PPP1R17: variants seen among roughly 807,000 people sequenced by gnomAD.
The protein encoded by PPP1R17 is G-substrate.
A neutral mutation model predicts 15.9 loss-of-function variants in PPP1R17; 12 were observed. That is an observed-to-expected ratio of 0.75 (90% CI 0.48 to 1.22). The LOEUF is 1.22. Ranked by LOEUF, PPP1R17 falls within the 50% of genes most tolerant of loss-of-function variation. The pLI is 0.00. For missense variants in PPP1R17, 211 were observed against 187.3 expected, an observed-to-expected ratio of 1.13 and a Z score of -0.74; for synonymous variants, 63 against 64.5, an observed-to-expected ratio of 0.98 and a Z score of 0.11.
At chr7:31,704,565 G>A (rs1792988360) in intron 4 of PPP1R17, among the ~76,000 whole-genome samples, 1 of 152,152 alleles carries the variant, frequency 6.6e-6, no homozygotes, top group South Asian at 2.1e-4. Context: ...GAATCTCACG[G>A]TTCAATAGCG....
intron 3 of PPP1R17, among the ~76,000 whole-genome samples, chr7:31,696,426 G>C (rs1027317095): frequency 2.0e-5 from 3 of 152,168 alleles, no homozygotes; most frequent in Non-Finnish European, 4.4e-5. Context: ...GCTCAGTGTG[G>C]GTAGTGAATT....
intron 1 of PPP1R17, among the ~76,000 whole-genome samples, 192 bp from the exon 2 acceptor site, chr7:31,692,214 G>A (rs899481362): frequency 6.6e-6 from 1 of 152,144 alleles, no homozygotes; most frequent in Admixed American, 6.5e-5. Context: ...GAGGGTGGGA[G>A]GGTTCATTTT....
At chr7:31,706,014 T>C (rs908174488) in intron 4 of PPP1R17, among the ~76,000 whole-genome samples, 7 of 117,660 alleles carry the variant, frequency 5.9e-5, no homozygotes, top group African/African-American at 2.6e-4. Context: ...TTTTTTTTTT[T>C]TTTTTTTTGA....
In PPP1R17 at chr7:31,692,504, C is replaced by A. The variant is rs201857392; in HGVS notation, c.63C>A (p.Asp21Glu). 56 of 1,608,328 alleles carry A rather than the reference C, an allele frequency of 3.5e-5. No individual in the cohort carries two copies. Among genetic ancestry groups the A allele is most frequent in the East Asian group, 4.5e-5 (2 of 44,834 alleles). Residue 21 changes from aspartate (D) to glutamate (E), a missense_variant, in exon 2 of 5, where the codon GAC (aspartate) becomes GAA (glutamate). Transcript: ENST00000342032. Reference protein sequence around the residue: ...ELSEDRLDKLDPRCSHLDDLS... With the variant: ...ELSEDRLDKLEPRCSHLDDLS... ...CAGAAGACAGACTGGACAAGCTAGA[C>A]CCTCGTTGCAGCCACTTAGGTAAAC... is the stretch of plus-strand genomic sequence containing the variant.
At chr7:31,699,638 G>T (rs1792756501) in intron 4 of PPP1R17, among the ~76,000 whole-genome samples, 1 of 151,490 alleles carries the variant, frequency 6.6e-6, no homozygotes, top group African/African-American at 2.4e-5. Flanking sequence ...TCAGATATTG[G>T]TGGTTTTTTT....
intron 4 of PPP1R17, among the ~76,000 whole-genome samples, chr7:31,702,684 A>G (rs745342219): frequency 2.0e-5 from 3 of 152,142 alleles, no homozygotes; most frequent in Admixed American, 2.0e-4. Context: ...GACTTACATC[A>G]ACAACTTGCA....
chr7:31,691,846 A>C (rs1028463234), intron 1 of PPP1R17, among the ~76,000 whole-genome samples: 2 of 151,294 alleles, frequency 1.3e-5, no homozygotes, highest in African/African-American at 4.9e-5. Context: ...CCACAACAGA[A>C]GCCTTATTCA....
At position 31,707,441 on chromosome 7, in the gene PPP1R17, T is replaced by C; in HGVS notation, c.*158T>C. On this transcript the variant is annotated 3_prime_UTR_variant, in exon 5 of 5. Transcript: ENST00000342032. ...GAGATGTATGCCATCAAATTGCCAG[T>C]CACCTCTTTGTCTCTCTCTTCTTTC... 1 of 606,788 alleles carries C rather than the reference T, an allele frequency of 1.6e-6. No homozygotes were observed. The highest frequency in any genetic ancestry group is 3.3e-5 in the Admixed American group (1 of 30,302). The allele number at this position is 606,788 out of a possible 1,614,324, so 37.6% of individuals were successfully genotyped here. A position where few individuals can be genotyped will look rare whatever the true frequency, so the allele number is the denominator to read the frequency against.
chr7:31,707,125 T>G, intron 4 of PPP1R17, 79 bp from the exon 5 acceptor site: 1 of 1,349,430 alleles, frequency 7.4e-7, no homozygotes. Context: ...CCATGCTCCT[T>G]TGTACTGTGT....
rs1455071177 is a variant in PPP1R17 at position 31,697,032 on chromosome 7, C to G, written c.303C>G (p.Ile101Met). Residue 101 changes from isoleucine (I) to methionine (M), a missense_variant, in exon 4 of 5, where the codon ATC becomes ATG. Coordinates refer to ENST00000342032, the MANE Select transcript of PPP1R17 (RefSeq NM_006658.5). ...VQERHPKGKM[I>M]PVLHNTDLEQ... ...AGAGACATCCAAAGGGCAAAATGAT[C>G]CCTGTTCTTCATAACACTGACCTGG... 2 of 1,613,954 alleles carry G rather than the reference C, an allele frequency of 1.2e-6. No individual in the cohort carries two copies. The highest frequency in any genetic ancestry group is 1.3e-5 in the African/African-American group (1 of 74,906).
intron 2 of PPP1R17, among the ~76,000 whole-genome samples, chr7:31,693,133 TC>T (rs1792428712): frequency 6.6e-6 from 1 of 152,042 alleles, no homozygotes; most frequent in Non-Finnish European, 1.5e-5. Flanking sequence ...TGGTTATGAC[TC>T]CCCCCTCCTC....
intron 4 of PPP1R17, among the ~76,000 whole-genome samples, chr7:31,702,207 AT>A (rs34824281): frequency 5.6e-4 from 80 of 141,820 alleles, no homozygotes; most frequent in Middle Eastern, 3.5e-3. Context: ...ACCCTTATTT[AT>A]TTTTTTTTTT....
Position 31,692,626 on chromosome 7 carries a change from C to T in PPP1R17, c.82+103C>T, listed in dbSNP as rs1000283888. 8.4e-6 allele frequency: 9 copies of T among 1,076,464 alleles called. No homozygotes were observed. The African/African-American group carries it at 1.4e-4, about 17-fold the overall frequency. The allele number at this position is 1,076,464 out of a possible 1,614,324, so 66.7% of individuals were successfully genotyped here. A position where few individuals can be genotyped will look rare whatever the true frequency, so the allele number is the denominator to read the frequency against. ...GTCAGAGAGAGGGCACCCCCCGAAA[C>T]CTGATAGTCTGTGCCTTCTGGTGAC... On this transcript the variant is annotated intron_variant, in intron 2 of 4. Transcript: ENST00000342032.
At chr7:31,690,700 C>T (rs1275565752) in intron 1 of PPP1R17, among the ~76,000 whole-genome samples, 1 of 152,202 alleles carries the variant, frequency 6.6e-6, no homozygotes, top group Admixed American at 6.5e-5. Flanking sequence ...AAGTTAAAAA[C>T]CGCCTTACCT....
intron 1 of PPP1R17, among the ~76,000 whole-genome samples, chr7:31,689,244 A>C (rs1372605808): frequency 6.6e-6 from 1 of 152,234 alleles, no homozygotes; most frequent in Admixed American, 6.5e-5. Flanking sequence ...AGAGGATGTT[A>C]AAAAGGTCAC....
rs533091870 is a variant in PPP1R17 at position 31,694,387 on chromosome 7, A to AACACACACACACACACACACACAC, written c.83-1076_83-1053dup. Among the ~76,000 whole-genome samples, 1,352 of 141,582 alleles carry AACACACACACACACACACACACAC rather than the reference A, an allele frequency of 9.5e-3. 16 individuals carry two copies. Among genetic ancestry groups the AACACACACACACACACACACACAC allele is most frequent in the African/African-American group, 0.011 (428 of 38,114 alleles). 92.9% of individuals were successfully genotyped at this position (141,582 alleles called of 152,430 possible). ...ATTTTAGCTCTCTCTCTCTCTCTCA[A>AACACACACACACACACACACACAC]ACACACACACACACACACACACACA... On this transcript the variant is annotated intron_variant, in intron 2 of 4. Coordinates refer to ENST00000342032, the MANE Select transcript of PPP1R17 (RefSeq NM_006658.5).
chr7:31,689,036 GA>G (rs909161688), intron 1 of PPP1R17, among the ~76,000 whole-genome samples: 69 of 152,316 alleles, frequency 4.5e-4, no homozygotes, highest in African/African-American at 1.6e-3. Context: ...TTTTGCTGCA[GA>G]AATAATGGAT....
At position 31,707,223 on chromosome 7, in the gene PPP1R17, C is replaced by T. The variant is rs2072409; in HGVS notation, c.408C>T (p.Asp136=). ...TTGCAGGTGTGACATTGCTCAGGGACGAGAGACCCAAAGCAATCGTGGAAG... is the reference window on the plus strand; with the variant it reads ...TTGCAGGTGTGACATTGCTCAGGGATGAGAGACCCAAAGCAATCGTGGAAG... ...PFAAGVTLLR[D]ERPKAIVEDD... The change falls in exon 5 of 5, where the codon GAC becomes GAT. Residue 136 remains aspartate, a synonymous_variant. Coordinates refer to ENST00000342032, the MANE Select transcript of PPP1R17 (RefSeq NM_006658.5). 208,258 of 1,612,336 alleles carry T rather than the reference C, an allele frequency of 0.13. 14,682 individuals are homozygous for T. Among genetic ancestry groups the T allele is most frequent in the East Asian group, 0.26 (11,454 of 44,820 alleles).
chr7:31,694,130 C>G (rs569149279), intron 2 of PPP1R17, among the ~76,000 whole-genome samples: 1 of 152,070 alleles, frequency 6.6e-6, no homozygotes, highest in African/African-American at 2.4e-5. Context: ...AAGACATATG[C>G]AGAAATAATA....
Sources: allele counts gnomAD v4.1 joint callset (sites outside exome capture counted in the v4.1 genomes callset), GRCh38; gene constraint gnomAD v4.1.1; transcripts MANE v1.5; gene names NCBI Gene and HGNC (gene_info 2026-07-23, HGNC 2026-07-21).